EPHA6: variants seen among roughly 807,000 people sequenced by gnomAD.
The protein encoded by EPHA6 is EPH receptor A6, also known as ephrin type-A receptor 6.
A neutral mutation model predicts 112.0 loss-of-function variants in EPHA6; 50 were observed. That is an observed-to-expected ratio of 0.45 (90% CI 0.36 to 0.56). The LOEUF (loss-of-function observed/expected upper bound fraction) is 0.56. Among genes scored for constraint, EPHA6 ranks in the 20% least tolerant of loss-of-function variants. The pLI is 0.00. For missense variants in EPHA6, 1,280 were observed against 1,417.4 expected (o/e 0.90, Z 1.56); for synonymous variants, 529 against 490.7 (o/e 1.08, Z -1.03).
chr3:97,557,454 C>G (rs927053177), intron 11 of EPHA6, among the ~76,000 whole-genome samples: 7 of 151,830 alleles, frequency 4.6e-5, no homozygotes, highest in African/African-American at 1.7e-4. Flanking sequence ...GATATAGAAC[C>G]TATTATTAAC....
At chr3:97,384,978 T>C (rs752270659) in intron 5 of EPHA6, among the ~76,000 whole-genome samples, 4 of 152,160 alleles carry the variant, frequency 2.6e-5, no homozygotes, top group Non-Finnish European at 4.4e-5. Flanking sequence ...TGATTTGCAG[T>C]GTTTACCAAG....
rs550523679 is a variant in EPHA6, at chr3:97,001,601, G to A, written c.1114+13608G>A. On this transcript the variant is annotated intron_variant, in intron 3 of 17. Transcript: ENST00000389672. ...TTATGAAAACTTCTGGTAAGTTATC[G>A]TTTTCAATCTGAAATTACTACAAAC... 3.9e-5 allele frequency among the ~76,000 whole-genome samples: 6 copies of A among 152,006 alleles called. No homozygotes were observed. The South Asian group carries it at 6.2e-4, about 16-fold the overall frequency.
intron 10 of EPHA6, among the ~76,000 whole-genome samples, chr3:97,493,427 C>A (rs1299217817): frequency 1.3e-5 from 2 of 152,116 alleles, no homozygotes; most frequent in East Asian, 1.9e-4. Context: ...TCGCAGAGAT[C>A]CACCTCCTTG....
intron 13 of EPHA6, among the ~76,000 whole-genome samples, chr3:97,616,224 C>A (rs2093764845): frequency 6.6e-6 from 1 of 151,974 alleles, no homozygotes; most frequent in African/African-American, 2.4e-5. Flanking sequence ...TATAGCAGCC[C>A]TATAGAAAAG....
At chr3:97,123,284 A>G (rs1293671652) in intron 3 of EPHA6, among the ~76,000 whole-genome samples, 1 of 152,132 alleles carries the variant, frequency 6.6e-6, no homozygotes, top group Non-Finnish European at 1.5e-5. Context: ...TGCTGCCACA[A>G]TATATTTCCA....
intron 14 of EPHA6, chr3:97,648,416 G>C: frequency 6.7e-7 from 1 of 1,500,092 alleles, no homozygotes; most frequent in Non-Finnish European, 8.9e-7. Context: ...TAATGAAGCA[G>C]CATGAGGGGA....
At position 97,430,013 on chromosome 3, in the gene EPHA6, T is replaced by C. The variant is rs1219740732; in HGVS notation, c.1732-18555T>C. On this transcript the variant is annotated intron_variant, in intron 6 of 17. Transcript: ENST00000389672. ...AAGCCAGACAAGCTTCCAAAGAGAA[T>C]GTGATGTTTGCTGAACAACATGGAA... Among the ~76,000 whole-genome samples the C allele has an allele frequency of 2.0e-5, 3 of 152,294 alleles. No homozygotes were observed. In the East Asian group the frequency reaches 5.8e-4, roughly 29 times the overall value.
At chr3:96,863,082 A>AT (rs558136373) in intron 1 of EPHA6, among the ~76,000 whole-genome samples, 54 of 151,706 alleles carry the variant, frequency 3.6e-4, no homozygotes, top group East Asian at 2.3e-3. Flanking sequence ...CCCCCAGGCT[A>AT]TTTTTTTTGT....
At chr3:97,513,404 A>T (rs1463308091) in intron 10 of EPHA6, among the ~76,000 whole-genome samples, 1 of 152,230 alleles carries the variant, frequency 6.6e-6, no homozygotes, top group African/African-American at 2.4e-5. Flanking sequence ...AACAACCAAG[A>T]TATTGAATCA....
chr3:97,003,829 C>T (rs1191242220), intron 3 of EPHA6, among the ~76,000 whole-genome samples: 1 of 148,874 alleles, frequency 6.7e-6, no homozygotes, highest in African/African-American at 2.5e-5. Flanking sequence ...TGATGTTCCC[C>T]TCCCTGTGTC....
At chr3:97,616,406 G>T (rs562500857) in intron 13 of EPHA6, among the ~76,000 whole-genome samples, 1 of 152,080 alleles carries the variant, frequency 6.6e-6, no homozygotes, top group African/African-American at 2.4e-5. Flanking sequence ...CTCCAGCAAG[G>T]GTTCAGAACT....
intron 3 of EPHA6, among the ~76,000 whole-genome samples, chr3:97,100,528 C>T (rs1702182808): frequency 6.6e-6 from 1 of 151,806 alleles, no homozygotes; most frequent in African/African-American, 2.4e-5. Context: ...TTGCCCACAT[C>T]ATGTAGCTCT....
At chr3:97,006,761 C>T (rs755186883) in intron 3 of EPHA6, among the ~76,000 whole-genome samples, 21 of 152,166 alleles carry the variant, frequency 1.4e-4, no homozygotes, top group Non-Finnish European at 2.9e-5. Context: ...AAATTTCCCT[C>T]TTAACACTGC....
intron 5 of EPHA6, 56 bp downstream of exon 5, chr3:97,244,343 A>G (rs2078927898): frequency 6.9e-7 from 1 of 1,439,736 alleles, no homozygotes; most frequent in African/African-American, 1.4e-5. Context: ...TGATGCATAA[A>G]TATCCCTCAT....
intron 2 of EPHA6, among the ~76,000 whole-genome samples, chr3:96,930,487 A>G (rs1280612150): frequency 6.6e-6 from 1 of 152,210 alleles, no homozygotes; most frequent in Non-Finnish European, 1.5e-5. Flanking sequence ...GGTCCCCTCT[A>G]TACCAAGGTT....
chr3:96,824,375 G>T (rs932606181), intron 1 of EPHA6, among the ~76,000 whole-genome samples: 1 of 151,642 alleles, frequency 6.6e-6, no homozygotes, highest in Non-Finnish European at 1.5e-5. Flanking sequence ...TTTTGTCATT[G>T]CAATATATCT....
chr3:97,173,899 T>C (rs1576617525), intron 3 of EPHA6, among the ~76,000 whole-genome samples: 1 of 151,800 alleles, frequency 6.6e-6, no homozygotes, highest in Admixed American at 6.6e-5. Context: ...TCCAGTTACA[T>C]TATTTATTTT....
chr3:96,854,323 G>A (rs1488046134), intron 1 of EPHA6, among the ~76,000 whole-genome samples: 2 of 151,524 alleles, frequency 1.3e-5, no homozygotes, highest in African/African-American at 4.8e-5. Context: ...GGGACTACAG[G>A]TGCACGCCAC....
intron 3 of EPHA6, among the ~76,000 whole-genome samples, chr3:97,013,830 T>G (rs1332148192): frequency 6.6e-6 from 1 of 152,202 alleles, no homozygotes; most frequent in Non-Finnish European, 1.5e-5. Context: ...AATAGTTATA[T>G]TCAAATTATG....
Sources: gnomAD v4.1 joint callset for allele counts (sites outside exome capture counted in the v4.1 genomes callset) on GRCh38, gnomAD v4.1.1 for gene constraint, MANE v1.5 for transcripts, NCBI Gene and HGNC (gene_info 2026-07-23, HGNC 2026-07-21) for gene names.